The following CERS3 variants were observed in gnomAD, a reference collection of about 807,000 sequenced individuals.
CERS3 encodes LAG1 homolog, ceramide synthase 3.
CERS3 carries 33 observed loss-of-function variants against 50.3 expected under a neutral mutation model. That is an observed-to-expected ratio of 0.66 (90% CI 0.50 to 0.88). The LOEUF (loss-of-function observed/expected upper bound fraction) is 0.88. Ranked by LOEUF, CERS3 falls within the 40% of genes least tolerant of loss-of-function variation. CERS3 has a pLI of 0.00. For missense variants in CERS3, 470 were observed against 460.3 expected (o/e 1.02, Z -0.19); for synonymous variants, 176 against 155.2 (o/e 1.13, Z -0.99).
Position 100,417,234 on chromosome 15 carries a change from G to A in CERS3, c.1000-14369C>T, listed in dbSNP as rs948440263. Among the ~76,000 whole-genome samples, 413 of 151,606 alleles carry A rather than the reference G, an allele frequency of 2.7e-3. 3 individuals are homozygous for A. The highest frequency in any genetic ancestry group is 4.7e-3 in the Non-Finnish European group (317 of 67,876). On this transcript the variant is annotated intron_variant, in intron 11 of 11. Transcript: ENST00000679737. ...AGGTCAGTGGGTGCGTGCACCGTGC[G>A]TGAGCCGAAGCAGGGCGAGGCATTG...
intron 2 of CERS3, among the ~76,000 whole-genome samples, chr15:100,516,787 C>A: frequency 6.6e-6 from 1 of 152,152 alleles, no homozygotes; most frequent in East Asian, 1.9e-4. Context: ...GTAAAATACC[C>A]AGGGACAGGT....
chr15:100,482,527 G>C (rs1236647559), intron 5 of CERS3, among the ~76,000 whole-genome samples: 1 of 151,910 alleles, frequency 6.6e-6, no homozygotes, highest in Non-Finnish European at 1.5e-5. Context: ...CTAAGGACTT[G>C]GTGTTCCTTC....
At chr15:100,513,404 G>T (rs1242103038) in intron 2 of CERS3, among the ~76,000 whole-genome samples, 3 of 152,110 alleles carry the variant, frequency 2.0e-5, no homozygotes, top group African/African-American at 7.2e-5. Context: ...CTTGCAGGAG[G>T]GCCCGGGGCG....
intron 11 of CERS3, among the ~76,000 whole-genome samples, chr15:100,415,302 G>C (rs1596614558): frequency 6.6e-6 from 1 of 152,196 alleles, no homozygotes; most frequent in East Asian, 1.9e-4. Context: ...TGGAGAAACA[G>C]GAATGCTTTT....
chr15:100,518,792 C>G (rs1462667918), intron 2 of CERS3, among the ~76,000 whole-genome samples: 1 of 152,224 alleles, frequency 6.6e-6, no homozygotes, highest in Non-Finnish European at 1.5e-5. Context: ...CTCTATTGAT[C>G]TTCATTTGGG....
chr15:100,410,985 C>T (rs2031436744), intron 11 of CERS3, among the ~76,000 whole-genome samples: 1 of 152,174 alleles, frequency 6.6e-6, no homozygotes, highest in African/African-American at 2.4e-5. Flanking sequence ...CCCCTTTCCC[C>T]AGCCTCTGGC....
intron 10 of CERS3, among the ~76,000 whole-genome samples, chr15:100,465,920 A>C (rs1168717003): frequency 6.6e-6 from 1 of 152,100 alleles, no homozygotes; most frequent in African/African-American, 2.4e-5. Flanking sequence ...TGGCCTCCCA[A>C]AGTGCTGGGA....
chr15:100,419,027 C>T (rs1426550498), intron 11 of CERS3, among the ~76,000 whole-genome samples: 45 of 142,288 alleles, frequency 3.2e-4, no homozygotes, highest in African/African-American at 9.8e-4. Context: ...CATCAACTAA[C>T]GAGCAAAATC....
At chr15:100,517,250 G>A (rs2036516956) in intron 2 of CERS3, among the ~76,000 whole-genome samples, 1 of 152,218 alleles carries the variant, frequency 6.6e-6, no homozygotes, top group Admixed American at 6.5e-5. Flanking sequence ...CCTGGCACAT[G>A]GCAAGTGCCC....
chr15:100,541,412 C>T (rs1162639107), intron 1 of CERS3, among the ~76,000 whole-genome samples: 1 of 152,066 alleles, frequency 6.6e-6, no homozygotes, highest in African/African-American at 2.4e-5. Context: ...GCGGAGGTTG[C>T]AGTGAGCCAA....
intron 4 of CERS3, among the ~76,000 whole-genome samples, chr15:100,485,376 T>C (rs892345190): frequency 6.6e-6 from 1 of 152,330 alleles, no homozygotes; most frequent in Admixed American, 6.5e-5. Context: ...GAATGATAGA[T>C]CTGCTCAAAT....
intron 2 of CERS3, among the ~76,000 whole-genome samples, chr15:100,505,006 G>A (rs1286907001): frequency 6.6e-6 from 1 of 152,224 alleles, no homozygotes; most frequent in Non-Finnish European, 1.5e-5. Context: ...CGAGGCCACA[G>A]AGGCTCTCTG....
intron 11 of CERS3, among the ~76,000 whole-genome samples, chr15:100,443,616 C>T (rs1316432467): frequency 6.8e-6 from 1 of 147,990 alleles, no homozygotes; most frequent in Non-Finnish European, 1.5e-5. Context: ...GACCCTGACA[C>T]CCATCAGGCT....
At chr15:100,417,739 C>G (rs575888850) in intron 11 of CERS3, among the ~76,000 whole-genome samples, 2 of 151,840 alleles carry the variant, frequency 1.3e-5, no homozygotes, top group African/African-American at 4.9e-5. Context: ...GATCTGAGAA[C>G]GGGCAGACTG....
chr15:100,414,875 G>A (rs2031776553), intron 11 of CERS3, among the ~76,000 whole-genome samples: 1 of 148,712 alleles, frequency 6.7e-6, no homozygotes, highest in Non-Finnish European at 1.5e-5. Flanking sequence ...ACATAGGCAT[G>A]GGCAGACTTC....
chr15:100,481,895 T>C (rs539140822), intron 5 of CERS3, among the ~76,000 whole-genome samples: 1 of 152,342 alleles, frequency 6.6e-6, no homozygotes, highest in East Asian at 1.9e-4. Context: ...CATTATTTGC[T>C]TTTTTTCCTG....
intron 11 of CERS3, among the ~76,000 whole-genome samples, chr15:100,416,667 C>T (rs1210531497): frequency 3.9e-5 from 6 of 152,240 alleles, no homozygotes; most frequent in Admixed American, 6.5e-5. Flanking sequence ...CCTTATAAAA[C>T]CATCAGATCT....
In CERS3 at chr15:100,402,689, C is replaced by A; in HGVS notation, c.*24G>T. ...CAACAGTACTTGCAGCATGCTGTGC[C>A]ATGGGAGTCCTGTAGGCTTCCAGCT... On this transcript the variant is annotated 3_prime_UTR_variant, in exon 12 of 12. Coordinates refer to ENST00000679737, the MANE Select transcript of CERS3 (RefSeq NM_001378789.1). The A allele has an allele frequency of 6.2e-7, 1 of 1,611,120 alleles. No homozygotes were observed. Among genetic ancestry groups the A allele is most frequent in the Non-Finnish European group, 8.5e-7 (1 of 1,178,880 alleles).
Position 100,423,943 on chromosome 15 carries a change from C to CTT in CERS3, c.1000-21080_1000-21079dup, listed in dbSNP as rs113638589. ...TACTCAGTCTCATATTTCTTTCTTT[C>CTT]TTTTTTTTTTTTTTTGAGGTGGAGT... is the stretch of plus-strand genomic sequence containing the variant. On this transcript the variant is annotated intron_variant, in intron 11 of 11. Transcript: ENST00000679737. 2.5e-4 allele frequency among the ~76,000 whole-genome samples: 35 copies of CTT among 139,700 alleles called. 1 individual carries two copies. The highest frequency in any genetic ancestry group is 7.2e-4 in the African/African-American group (27 of 37,406). The allele number at this position is 139,700 out of a possible 152,430, so 91.6% of individuals were successfully genotyped here.
Sources: gnomAD v4.1 joint callset for allele counts (sites outside exome capture counted in the v4.1 genomes callset) on GRCh38, gnomAD v4.1.1 for gene constraint, MANE v1.5 for transcripts, NCBI Gene and HGNC (gene_info 2026-07-23, HGNC 2026-07-21) for gene names.